TSPAN11: variants seen among roughly 807,000 people sequenced by gnomAD.
TSPAN11 encodes tetraspanin 11.
Under a neutral mutation model 32.9 loss-of-function variants are expected in TSPAN11, and 29 were observed. The observed-to-expected ratio is 0.88, with a 90% confidence interval of 0.66 to 1.20. The LOEUF (loss-of-function observed/expected upper bound fraction) is 1.20, where lower values mean the gene tolerates loss of function less well. TSPAN11 is among the 50% of genes most tolerant of loss of function. The pLI, the probability that TSPAN11 is intolerant of heterozygous loss-of-function variation, is 0.00. For synonymous variants in TSPAN11, 140 were observed against 141.3 expected (o/e 0.99, Z 0.07); for missense variants, 283 against 329.1 (o/e 0.86, Z 1.08).
intron 4 of TSPAN11, 84 bp downstream of exon 4, chr12:30,978,719 G>A: frequency 7.1e-7 from 1 of 1,405,526 alleles, no homozygotes; most frequent in Non-Finnish European, 1.0e-6. Context: ...TGTGATGAGG[G>A]AAGCTGAGGA....
At chr12:30,942,891 G>T (rs1300370576) in intron 1 of TSPAN11, among the ~76,000 whole-genome samples, 2 of 152,174 alleles carry the variant, frequency 1.3e-5, no homozygotes, top group Non-Finnish European at 2.9e-5. Context: ...TGGTCCAAAA[G>T]AGTTGCCTGA....
intron 7 of TSPAN11, among the ~76,000 whole-genome samples, chr12:30,984,239 G>T (rs778131361): frequency 5.3e-5 from 8 of 152,250 alleles, no homozygotes; most frequent in African/African-American, 4.8e-5. Context: ...AGGAGCAGAG[G>T]CTTTGGCCTC....
chr12:30,956,387 G>A (rs1015632374), intron 2 of TSPAN11, among the ~76,000 whole-genome samples: 14 of 152,052 alleles, frequency 9.2e-5, no homozygotes, highest in Non-Finnish European at 1.8e-4. Context: ...CCTTCTTTTC[G>A]TTTTTAGTGC....
chr12:30,944,577 AT>A (rs78573709), intron 1 of TSPAN11, among the ~76,000 whole-genome samples: 15,287 of 152,172 alleles, frequency 0.1, 2,107 homozygotes, highest in African/African-American at 0.31. Context: ...CTGCACTCCC[AT>A]GTCCATGTCA....
intron 3 of TSPAN11, among the ~76,000 whole-genome samples, chr12:30,965,188 C>T (rs1417501024): frequency 6.6e-6 from 1 of 152,200 alleles, no homozygotes; most frequent in African/African-American, 2.4e-5. Flanking sequence ...GGGATCAGTG[C>T]AGTTGGGCCC....
chr12:30,986,059 C>G (rs1939195173), intron 7 of TSPAN11, among the ~76,000 whole-genome samples: 1 of 152,182 alleles, frequency 6.6e-6, no homozygotes, highest in Non-Finnish European at 1.5e-5. Context: ...CAGGTGGGTC[C>G]TAAGCTTTGA....
At chr12:30,963,759 G>A in intron 2 of TSPAN11, 67 bp from the exon 3 acceptor site, 2 of 1,539,064 alleles carry the variant, frequency 1.3e-6, no homozygotes, top group Non-Finnish European at 1.8e-6. Flanking sequence ...CACCCTGTGG[G>A]CACTGAACGG....
chr12:30,945,707 A>G (rs368910127), intron 1 of TSPAN11, among the ~76,000 whole-genome samples: 11 of 151,864 alleles, frequency 7.2e-5, no homozygotes, highest in African/African-American at 2.7e-4. Context: ...CGAAGACACA[A>G]TGATCCCCAA....
chr12:31,007,892 T>C, the TSPAN11 span, among the ~76,000 whole-genome samples: 1 of 152,126 alleles, frequency 6.6e-6, no homozygotes, highest in Non-Finnish European at 1.5e-5. Context: ...AGCTCCTTCA[T>C]TCTCACAGCC....
At chr12:30,984,145 C>T (rs1489384516) in intron 7 of TSPAN11, among the ~76,000 whole-genome samples, 2 of 152,206 alleles carry the variant, frequency 1.3e-5, no homozygotes, top group Non-Finnish European at 2.9e-5. Flanking sequence ...TCAGCAGGAG[C>T]TGAGTGTGGG....
chr12:30,977,757 C>T (rs1232726908), intron 3 of TSPAN11, among the ~76,000 whole-genome samples: 1 of 152,090 alleles, frequency 6.6e-6, no homozygotes, highest in Non-Finnish European at 1.5e-5. Flanking sequence ...GAGAAGGAAG[C>T]AGGGCCCATG....
intron 1 of TSPAN11, among the ~76,000 whole-genome samples, chr12:30,931,563 C>T (rs1937927618): frequency 6.6e-6 from 1 of 152,106 alleles, no homozygotes; most frequent in African/African-American, 2.4e-5. Context: ...TTGGAAACCA[C>T]GGTCCTATAC....
intron 1 of TSPAN11, among the ~76,000 whole-genome samples, chr12:30,935,558 AT>A (rs2140270937): frequency 6.6e-6 from 1 of 151,898 alleles, no homozygotes; most frequent in Admixed American, 6.6e-5. Flanking sequence ...TAGTTTTTGT[AT>A]TTTTAGTAGA....
the TSPAN11 span, among the ~76,000 whole-genome samples, chr12:31,004,286 G>A: frequency 6.6e-6 from 1 of 152,184 alleles, no homozygotes; most frequent in Non-Finnish European, 1.5e-5. Context: ...CACACGTCCG[G>A]TTGTGTGCAT....
the TSPAN11 span, among the ~76,000 whole-genome samples, chr12:31,014,438 G>A: frequency 6.6e-6 from 1 of 152,000 alleles, no homozygotes; most frequent in Non-Finnish European, 1.5e-5. Context: ...TGTTACATAA[G>A]GAAATGAAGT....
intron 3 of TSPAN11, among the ~76,000 whole-genome samples, 166 bp downstream of exon 3, chr12:30,964,183 G>T (rs1001308952): frequency 2.0e-5 from 3 of 152,144 alleles, no homozygotes; most frequent in African/African-American, 7.2e-5. Flanking sequence ...ACGGTCTCCA[G>T]GTTCTTAGGA....
At chr12:30,957,708 C>CCTTCT (rs55689262) in intron 2 of TSPAN11, among the ~76,000 whole-genome samples, 917 of 67,186 alleles carry the variant, frequency 0.014, 92 homozygotes, top group African/African-American at 0.028. Flanking sequence ...TCCCTCCCTC[C>CCTTCT]TTCCTTCCTT....
the TSPAN11 span, among the ~76,000 whole-genome samples, chr12:31,009,933 CCTCCTTCTAG>C: frequency 6.6e-6 from 1 of 152,196 alleles, no homozygotes; most frequent in Non-Finnish European, 1.5e-5. Context: ...TCTATTTAGT[CCTCCTTCTAG>C]CTGTATGAGA....
the TSPAN11 span, among the ~76,000 whole-genome samples, chr12:31,011,622 A>G: frequency 1.3e-5 from 2 of 152,096 alleles, no homozygotes; most frequent in African/African-American, 2.4e-5. Flanking sequence ...CACCAGGCCT[A>G]TGGCCTTGCC....
Sources: gnomAD v4.1 joint callset for allele counts (sites outside exome capture counted in the v4.1 genomes callset) on GRCh38, gnomAD v4.1.1 for gene constraint, MANE v1.5 for transcripts, NCBI Gene and HGNC (gene_info 2026-07-23, HGNC 2026-07-21) for gene names.